SPOP: variants seen among roughly 807,000 people sequenced by gnomAD.
SPOP encodes speckle-type POZ protein.
A neutral mutation model predicts 45.6 loss-of-function variants in SPOP; 11 were observed. That is an observed-to-expected ratio of 0.24 (90% CI 0.15 to 0.40). The LOEUF is 0.40. SPOP is among the 10% of genes least tolerant of loss of function. The pLI, the probability that SPOP is intolerant of heterozygous loss-of-function variation, is 1.00. For synonymous variants in SPOP, 166 were observed against 166.3 expected (o/e 1.00, Z 0.01); for missense variants, 152 against 465.6 (o/e 0.33, Z 6.20).
Position 49,600,255 on chromosome 17 carries a change from C to A in SPOP, c.*123G>T. On this transcript the variant is annotated 3_prime_UTR_variant, in exon 10 of 10. Transcript: ENST00000504102. The surrounding 1 kb of genome is among the most constrained non-coding windows in gnomAD (Gnocchi z 4.2). ...GTTTTAAAAGTCTGGGGCCACAATG[C>A]AGTCTCTTCCCCTCACAACAGAGTA... 4 of 1,288,362 alleles carry A rather than the reference C, an allele frequency of 3.1e-6. No individual in the cohort carries two copies. The South Asian group carries it at 5.4e-5, about 17-fold the overall frequency. The allele number at this position is 1,288,362 out of a possible 1,614,324, so 79.8% of individuals were successfully genotyped here. A position where few individuals can be genotyped will look rare whatever the true frequency, so the allele number is the denominator to read the frequency against.
At chr17:49,604,581 A>C (rs1012452877) in intron 8 of SPOP, among the ~76,000 whole-genome samples, 7 of 152,202 alleles carry the variant, frequency 4.6e-5, no homozygotes, top group African/African-American at 1.7e-4. Context: ...TGGGTATTGC[A>C]GCATCACAGC....
rs755653752 is a variant in SPOP, at chr17:49,619,204, T to G, written c.352+30A>C. 3 of 1,613,946 alleles carry G rather than the reference T, an allele frequency of 1.9e-6. No homozygotes were observed. The highest frequency in any genetic ancestry group is 2.5e-6 in the Non-Finnish European group (3 of 1,179,920). On this transcript the variant is annotated intron_variant, in intron 4 of 9. Coordinates refer to ENST00000504102, the MANE Select transcript of SPOP (RefSeq NM_001007228.2). The surrounding 1 kb of genome is among the most constrained non-coding windows in gnomAD (Gnocchi z 4.9). Reference sequence around the variant, plus strand: ...GTATGAAACTTCTGGATGTGAAACTTAAGAGTTGAACAAAGAGGAGAACAT... The same window carrying G: ...GTATGAAACTTCTGGATGTGAAACTGAAGAGTTGAACAAAGAGGAGAACAT...
chr17:49,649,431 G>A (rs1162212300), intron 1 of SPOP, among the ~76,000 whole-genome samples: 1 of 152,096 alleles, frequency 6.6e-6, no homozygotes, highest in African/African-American at 2.4e-5. Context: ...CAGCTACTAG[G>A]GAGGCTGAGG....
At chr17:49,658,477 T>C (rs913987531) in intron 1 of SPOP, among the ~76,000 whole-genome samples, 4 of 152,200 alleles carry the variant, frequency 2.6e-5, no homozygotes, top group Non-Finnish European at 1.5e-5. Context: ...AAGAGCCACA[T>C]AGGTGCTCCT....
intron 3 of SPOP, among the ~76,000 whole-genome samples, chr17:49,621,072 G>A (rs1397287673): frequency 6.6e-6 from 1 of 152,194 alleles, no homozygotes; most frequent in Non-Finnish European, 1.5e-5. Context: ...TTTGCAGTGG[G>A]TATATGGTTG....
intron 8 of SPOP, among the ~76,000 whole-genome samples, chr17:49,606,132 A>T (rs2071839453): frequency 6.6e-6 from 1 of 151,950 alleles, no homozygotes; most frequent in South Asian, 2.1e-4. Flanking sequence ...TTGTTATACT[A>T]TTTTGGTTTT....
At chr17:49,639,165 G>A (rs1392861412) in intron 1 of SPOP, among the ~76,000 whole-genome samples, 3 of 152,024 alleles carry the variant, frequency 2.0e-5, no homozygotes, top group African/African-American at 7.2e-5. Flanking sequence ...TCTAACAAAT[G>A]AAAATAAATA....
chr17:49,621,203 A>G (rs182591346), intron 3 of SPOP, among the ~76,000 whole-genome samples: 3 of 152,328 alleles, frequency 2.0e-5, no homozygotes, highest in Admixed American at 6.5e-5. Context: ...ACGTAAAACA[A>G]TTGGTGCATG....
intron 1 of SPOP, among the ~76,000 whole-genome samples, chr17:49,638,401 C>T (rs1318080714): frequency 6.6e-6 from 1 of 152,062 alleles, no homozygotes. Context: ...CCAGCCTGAC[C>T]AACATGGTGA....
chr17:49,668,296 TTA>T (rs2143564836), intron 1 of SPOP, among the ~76,000 whole-genome samples: 1 of 152,266 alleles, frequency 6.6e-6, no homozygotes, highest in East Asian at 1.9e-4. Context: ...TCAAAATACC[TTA>T]TGTGTATTAA....
intron 1 of SPOP, among the ~76,000 whole-genome samples, chr17:49,642,841 AAATTG>A (rs2072683526): frequency 2.0e-5 from 3 of 152,246 alleles, no homozygotes; most frequent in Non-Finnish European, 2.9e-5. Flanking sequence ...TCACTGAATG[AAATTG>A]CCTATTGGGT....
chr17:49,604,172 T>C (rs1426256689), intron 8 of SPOP, among the ~76,000 whole-genome samples: 1 of 152,200 alleles, frequency 6.6e-6, no homozygotes, highest in African/African-American at 2.4e-5. Context: ...TAATTAACTT[T>C]ATAAAAGGCA....
At chr17:49,652,545 T>TA (rs980109989) in intron 1 of SPOP, among the ~76,000 whole-genome samples, 14 of 152,224 alleles carry the variant, frequency 9.2e-5, no homozygotes, top group Non-Finnish European at 2.9e-5. Flanking sequence ...TTCAAGAACT[T>TA]AAGAGTTTCT....
chr17:49,607,773 T>G, intron 7 of SPOP, 101 bp downstream of exon 7: 1 of 1,176,902 alleles, frequency 8.5e-7, no homozygotes, highest in Non-Finnish European at 1.2e-6. Flanking sequence ...TCCATTTTAG[T>G]AAGAAAAAAG....
In SPOP at chr17:49,607,359, A is replaced by T; in HGVS notation, c.728T>A (p.Ile243Asn). 1.9e-6 allele frequency: 3 copies of T among 1,613,292 alleles called. No homozygotes were observed. The highest frequency in any genetic ancestry group is 2.5e-6 in the Non-Finnish European group (3 of 1,179,484). ...MEESKKNRVEINDVEPEVFKE... is the reference protein window; with the variant it reads ...MEESKKNRVENNDVEPEVFKE... ...AAAAACTTCAGGCTCCACATCATTGATTTCAACTCGATTCTATGCCAGAAA... is the reference window on the plus strand; with the variant it reads ...AAAAACTTCAGGCTCCACATCATTGTTTTCAACTCGATTCTATGCCAGAAA... The change falls in exon 8 of 10, where the codon ATC (isoleucine) becomes AAC (asparagine). Residue 243 changes from isoleucine to asparagine, a missense_variant. Around this residue, in one of 3 missense-constraint regions of SPOP, gnomAD observed 106 missense variants for 255.2 expected, o/e 0.42. Transcript: ENST00000504102.
rs2071693978 is a variant in SPOP at position 49,599,137 on chromosome 17, G to A, written c.*1241C>T. On this transcript the variant is annotated 3_prime_UTR_variant, in exon 10 of 10. Transcript: ENST00000504102. ...CACAAAGAGAACTTGAGATTACGGAGTCTCAACAAATCCCTGCGACTCATT... is the reference window on the plus strand; with the variant it reads ...CACAAAGAGAACTTGAGATTACGGAATCTCAACAAATCCCTGCGACTCATT... 1 of 212,232 alleles carries A rather than the reference G, an allele frequency of 4.7e-6. No individual in the cohort carries two copies. The highest frequency in any genetic ancestry group is 5.9e-5 in the Admixed American group (1 of 17,038). The allele number at this position is 212,232 out of a possible 1,614,324, so 13.1% of individuals were successfully genotyped here. A position where few individuals can be genotyped will look rare whatever the true frequency, so the allele number is the denominator to read the frequency against.
intron 5 of SPOP, among the ~76,000 whole-genome samples, chr17:49,613,306 T>C (rs914011242): frequency 1.3e-5 from 2 of 151,050 alleles, no homozygotes; most frequent in Admixed American, 1.3e-4. Context: ...AAAGACCAAT[T>C]AAATCCAACT....
chr17:49,635,632 CTTTT>C (rs11451249), intron 1 of SPOP, among the ~76,000 whole-genome samples: 5 of 121,656 alleles, frequency 4.1e-5, no homozygotes, highest in African/African-American at 3.1e-5. Flanking sequence ...AGGTATCTCT[CTTTT>C]TTTTTTTTTT....
In SPOP at chr17:49,664,337, T is replaced by G. The variant is rs12326029; in HGVS notation, c.-67+13596A>C. ...GACTGAATAGAAGCAGATATGAAAATCTAGCTGCCTTCCATTAAGCTGGAT... is the reference window on the plus strand; with the variant it reads ...GACTGAATAGAAGCAGATATGAAAAGCTAGCTGCCTTCCATTAAGCTGGAT... On this transcript the variant is annotated intron_variant, in intron 1 of 9. Coordinates refer to ENST00000504102, the MANE Select transcript of SPOP (RefSeq NM_001007228.2). Among the ~76,000 whole-genome samples, 1,466 of 152,306 alleles carry G rather than the reference T, an allele frequency of 9.6e-3. 32 individuals are homozygous for G. The highest frequency in any genetic ancestry group is 0.034 in the African/African-American group (1,405 of 41,556).
Sources: gnomAD v4.1 joint callset for allele counts (sites outside exome capture counted in the v4.1 genomes callset) on GRCh38, gnomAD v4.1.1 for gene constraint, gnomAD v4.1.1 regional missense constraint, Gnocchi (gnomAD v3.1) non-coding constraint, MANE v1.5 for transcripts, NCBI Gene and HGNC (gene_info 2026-07-23, HGNC 2026-07-21) for gene names.